Variants in MACROD2 observed in about 807,000 individuals in gnomAD.
MACROD2 encodes ADP-ribose glycohydrolase MACROD2.
Under a neutral mutation model 70.4 loss-of-function variants are expected in MACROD2, and 36 were observed. That is an observed-to-expected ratio of 0.51 (90% CI 0.39 to 0.68). The LOEUF is 0.68. MACROD2 is among the 30% of genes least tolerant of loss of function. MACROD2 has a pLI of 0.00. For missense variants in MACROD2, 496 were observed against 538.4 expected (o/e 0.92, Z 0.78); for synonymous variants, 172 against 178.8 (o/e 0.96, Z 0.30).
At chr20:15,514,283 C>T (rs890840251) in intron 8 of MACROD2, among the ~76,000 whole-genome samples, 19 of 152,346 alleles carry the variant, frequency 1.2e-4, no homozygotes, top group African/African-American at 4.1e-4. Flanking sequence ...ACTCACCACT[C>T]TCACCCACTG....
intron 8 of MACROD2, among the ~76,000 whole-genome samples, chr20:15,862,504 A>G (rs1404654675): frequency 2.0e-5 from 3 of 152,150 alleles, no homozygotes; most frequent in Non-Finnish European, 4.4e-5. Flanking sequence ...TTTGATTTAT[A>G]TAGCATCTTT....
chr20:14,609,133 G>T (rs1248940797), intron 4 of MACROD2, among the ~76,000 whole-genome samples: 1 of 151,978 alleles, frequency 6.6e-6, no homozygotes, highest in African/African-American at 2.4e-5. Context: ...ATTTATAAAG[G>T]CCATTCTGGG....
chr20:15,785,692 A>G (rs972676414), intron 8 of MACROD2, among the ~76,000 whole-genome samples: 2 of 152,134 alleles, frequency 1.3e-5, no homozygotes, highest in Non-Finnish European at 2.9e-5. Context: ...AGTTTCCCTG[A>G]GGCAGGTCCT....
intron 4 of MACROD2, among the ~76,000 whole-genome samples, chr20:14,497,467 G>T (rs1422064634): frequency 6.6e-6 from 1 of 151,774 alleles, no homozygotes; most frequent in East Asian, 1.9e-4. Flanking sequence ...GAACTGAAGA[G>T]CTAATTCCTC....
intron 3 of MACROD2, among the ~76,000 whole-genome samples, chr20:14,176,973 A>G (rs1343215705): frequency 1.3e-5 from 2 of 152,206 alleles, no homozygotes; most frequent in Non-Finnish European, 2.9e-5. Flanking sequence ...TTTAGTGAGA[A>G]ATATGCAAAA....
chr20:15,768,968 C>A (rs746855327), intron 8 of MACROD2, among the ~76,000 whole-genome samples: 7 of 152,178 alleles, frequency 4.6e-5, no homozygotes, highest in Admixed American at 4.6e-4. Context: ...GTGATATACT[C>A]ATGGAGCTGT....
intron 2 of MACROD2, among the ~76,000 whole-genome samples, chr20:14,019,328 G>A (rs1396989979): frequency 1.3e-5 from 2 of 152,146 alleles, no homozygotes; most frequent in African/African-American, 2.4e-5. Flanking sequence ...TTGGAGTGCC[G>A]TGGCGCAATC....
chr20:15,172,941 A>G (rs1297404886), intron 5 of MACROD2, among the ~76,000 whole-genome samples: 1 of 152,234 alleles, frequency 6.6e-6, no homozygotes, highest in Non-Finnish European at 1.5e-5. Context: ...GTTATGAATA[A>G]GTTTGCCCCC....
At chr20:15,963,801 C>T (rs2147398140) in intron 12 of MACROD2, among the ~76,000 whole-genome samples, 1 of 152,110 alleles carries the variant, frequency 6.6e-6, no homozygotes, top group South Asian at 2.1e-4. Context: ...TTAAATATTC[C>T]TTTAAACCTT....
intron 3 of MACROD2, among the ~76,000 whole-genome samples, chr20:14,284,243 T>C (rs1206251802): frequency 1.3e-5 from 2 of 152,216 alleles, no homozygotes; most frequent in Non-Finnish European, 2.9e-5. Context: ...AAACTGCAGC[T>C]TGATTGACAG....
chr20:15,456,210 C>T (rs1415439279), intron 7 of MACROD2, among the ~76,000 whole-genome samples: 2 of 152,172 alleles, frequency 1.3e-5, no homozygotes, highest in African/African-American at 4.8e-5. Context: ...ACTCTCCCGA[C>T]ATCATCCATG....
At chr20:15,893,516 A>T (rs1404111435) in intron 10 of MACROD2, 1 of 360,106 alleles carries the variant, frequency 2.8e-6, no homozygotes, top group East Asian at 7.3e-5. Flanking sequence ...GGCAGGTCCC[A>T]CTGGACTCAG....
rs148821462 is a variant in MACROD2, at chr20:15,342,468, G to A, written c.541-88937G>A. ...AATCTCTAGGGTCAGCATCCCTGTA[G>A]TAGGAATTTGAGTCTGAAGGAATCC... On this transcript the variant is annotated intron_variant, in intron 6 of 17. Transcript: ENST00000684519. 3.3e-3 allele frequency among the ~76,000 whole-genome samples: 497 copies of A among 152,282 alleles called. 1 individual carries two copies. The highest frequency in any genetic ancestry group is 0.011 in the African/African-American group (459 of 41,566).
intron 5 of MACROD2, among the ~76,000 whole-genome samples, chr20:14,703,318 G>T (rs1480675053): frequency 6.6e-6 from 1 of 152,102 alleles, no homozygotes; most frequent in Non-Finnish European, 1.5e-5. Context: ...GGAAGGAGGG[G>T]TATGTCAGGA....
intron 15 of MACROD2, among the ~76,000 whole-genome samples, chr20:16,023,312 A>G (rs1005324005): frequency 1.3e-5 from 2 of 151,586 alleles, no homozygotes; most frequent in African/African-American, 4.8e-5. Context: ...CGTCTCTACT[A>G]AAAATACAAA....
At chr20:14,864,835 A>G (rs941964764) in intron 5 of MACROD2, among the ~76,000 whole-genome samples, 1 of 152,106 alleles carries the variant, frequency 6.6e-6, no homozygotes, top group Non-Finnish European at 1.5e-5. Context: ...GACCTGTGCT[A>G]TCAGTGTCAA....
At chr20:14,974,838 T>C (rs954054677) in intron 5 of MACROD2, among the ~76,000 whole-genome samples, 1 of 152,082 alleles carries the variant, frequency 6.6e-6, no homozygotes, top group Admixed American at 6.6e-5. Flanking sequence ...GATATGGATA[T>C]GTGGATGCCA....
At chr20:14,546,993 A>G (rs74466913) in intron 4 of MACROD2, among the ~76,000 whole-genome samples, 9 of 152,198 alleles carry the variant, frequency 5.9e-5, no homozygotes, top group East Asian at 5.8e-4. Flanking sequence ...ACATAAAAAT[A>G]TCATCCTACT....
At chr20:14,890,993 C>CCTT (rs1568857423) in intron 5 of MACROD2, among the ~76,000 whole-genome samples, 66 of 55,016 alleles carry the variant, frequency 1.2e-3, no homozygotes, top group African/African-American at 4.4e-3. Flanking sequence ...CTTCCTTCCT[C>CCTT]CCTCCCTCCC....
Sources: gnomAD v4.1 joint callset for allele counts (sites outside exome capture counted in the v4.1 genomes callset) on GRCh38, gnomAD v4.1.1 for gene constraint, MANE v1.5 for transcripts, NCBI Gene and HGNC (gene_info 2026-07-23, HGNC 2026-07-21) for gene names.